The following PCED1B variants were observed in gnomAD, a reference collection of about 807,000 sequenced individuals.
The protein encoded by PCED1B is PC-esterase domain containing 1B.
For missense variants in PCED1B, 573 were observed against 573.9 expected, an observed-to-expected ratio of 1.00 and a Z score of 0.02; for synonymous variants, 251 against 246.1, an observed-to-expected ratio of 1.02 and a Z score of -0.19.
At chr12:47,142,905 A>G (rs760373773) in intron 2 of PCED1B, among the ~76,000 whole-genome samples, 5 of 152,182 alleles carry the variant, frequency 3.3e-5, no homozygotes, top group East Asian at 1.9e-4. Context: ...TAATTTTAAG[A>G]AATTCATACA....
rs113465137 is a variant in PCED1B, at chr12:47,180,120, G to A, written c.-525-36102G>A. On this transcript the variant is annotated intron_variant, in intron 2 of 3. Transcript: ENST00000546455. ...CTCACACCCCCCAACAGGCCCCAGT[G>A]TGTGGTGTTCCTCACTATGTGTCTA... 9.8e-3 allele frequency among the ~76,000 whole-genome samples: 1,493 copies of A among 152,218 alleles called. 26 individuals are homozygous for A. The highest frequency in any genetic ancestry group is 0.035 in the African/African-American group (1,454 of 41,526).
intron 2 of PCED1B, among the ~76,000 whole-genome samples, chr12:47,158,440 C>T (rs928231628): frequency 3.3e-5 from 5 of 152,112 alleles, no homozygotes; most frequent in Admixed American, 1.3e-4. Flanking sequence ...CCTTACTGGC[C>T]ATTTGCATAT....
At chr12:47,192,159 C>T (rs751241500) in intron 2 of PCED1B, among the ~76,000 whole-genome samples, 17 of 146,684 alleles carry the variant, frequency 1.2e-4, no homozygotes, top group East Asian at 7.9e-4. Context: ...ATGGAGGCTA[C>T]GCTTTTTTTT....
intron 1 of PCED1B, among the ~76,000 whole-genome samples, chr12:47,101,761 A>G (rs1938716650): frequency 6.6e-6 from 1 of 152,148 alleles, no homozygotes; most frequent in African/African-American, 2.4e-5. Flanking sequence ...AGCCTGATTA[A>G]CAGGGAGAAA....
rs781275096 is a variant in PCED1B, at chr12:47,236,092, C to T, written c.1029C>T (p.Ser343=). The change falls in exon 4 of 4, where the codon TCC becomes TCT. Residue 343 remains serine, a synonymous_variant. Coordinates refer to ENST00000546455, the MANE Select transcript of PCED1B (RefSeq NM_138371.3). The part of the protein sequence containing the change: ...FPQGPPDACF[S]SDHTFQSDQF... Reference sequence around the variant, plus strand: ...AGGGTCCCCCAGATGCCTGTTTTTCCTCAGACCATACTTTCCAGTCGGATC... The same window carrying T: ...AGGGTCCCCCAGATGCCTGTTTTTCTTCAGACCATACTTTCCAGTCGGATC... The T allele has an allele frequency of 6.2e-7, 1 of 1,614,126 alleles. No individual in the cohort carries two copies. The highest frequency in any genetic ancestry group is 8.5e-7 in the Non-Finnish European group (1 of 1,180,016).
chr12:47,135,916 AC>A (rs1273156601), intron 2 of PCED1B: 1 of 215,224 alleles, frequency 4.6e-6, no homozygotes, highest in Non-Finnish European at 9.7e-6. Context: ...TCCAGGGAGA[AC>A]CAGCTGTGGT....
At chr12:47,193,728 C>T (rs1267175803) in intron 2 of PCED1B, among the ~76,000 whole-genome samples, 3 of 152,218 alleles carry the variant, frequency 2.0e-5, no homozygotes, top group African/African-American at 7.2e-5. Flanking sequence ...GGATCAGCAA[C>T]ATTGCTCCAG....
chr12:47,219,722 A>G (rs1943413800), intron 3 of PCED1B, among the ~76,000 whole-genome samples: 1 of 152,200 alleles, frequency 6.6e-6, no homozygotes, highest in African/African-American at 2.4e-5. Flanking sequence ...CTGTGCACAA[A>G]ATATTGTTTT....
chr12:47,110,516 T>C (rs1484985949), intron 2 of PCED1B, among the ~76,000 whole-genome samples: 1 of 152,198 alleles, frequency 6.6e-6, no homozygotes, highest in Non-Finnish European at 1.5e-5. Flanking sequence ...TAATAAAATA[T>C]GATCTTTTTA....
intron 1 of PCED1B, among the ~76,000 whole-genome samples, chr12:47,088,229 T>C (rs1012746456): frequency 6.6e-6 from 1 of 152,212 alleles, no homozygotes; most frequent in African/African-American, 2.4e-5. Context: ...TTAACAAATG[T>C]TTGCTGAACC....
chr12:47,144,668 A>G (rs964117919), intron 2 of PCED1B, among the ~76,000 whole-genome samples: 1 of 152,180 alleles, frequency 6.6e-6, no homozygotes, highest in Non-Finnish European at 1.5e-5. Context: ...GACCCAAGGG[A>G]ACACAATGGT....
chr12:47,232,705 C>G (rs1943844783), intron 3 of PCED1B, among the ~76,000 whole-genome samples: 1 of 151,980 alleles, frequency 6.6e-6, no homozygotes, highest in South Asian at 2.1e-4. Context: ...TTGAAATAAT[C>G]TGAAGTTTTG....
intron 2 of PCED1B, among the ~76,000 whole-genome samples, chr12:47,160,719 G>C (rs1312314080): frequency 6.6e-6 from 1 of 150,806 alleles, no homozygotes; most frequent in Non-Finnish European, 1.5e-5. Context: ...TTTACATTTA[G>C]TTATTTGCTA....
At chr12:47,162,314 G>T (rs1941412050) in intron 2 of PCED1B, among the ~76,000 whole-genome samples, 1 of 151,950 alleles carries the variant, frequency 6.6e-6, no homozygotes, top group Non-Finnish European at 1.5e-5. Context: ...AAGGAAATGA[G>T]GTGTATTTTG....
At chr12:47,130,315 T>C (rs1940073395) in intron 2 of PCED1B, among the ~76,000 whole-genome samples, 1 of 152,204 alleles carries the variant, frequency 6.6e-6, no homozygotes, top group Non-Finnish European at 1.5e-5. Flanking sequence ...CACAACATTA[T>C]ATTCTTAATC....
intron 2 of PCED1B, chr12:47,210,624 G>A (rs1471148457): frequency 6.6e-6 from 1 of 152,192 alleles, no homozygotes; most frequent in Non-Finnish European, 1.5e-5. Context: ...AATTGGCTGG[G>A]CATGGTGGTG....
At chr12:47,229,237 A>G (rs1943724819) in intron 3 of PCED1B, among the ~76,000 whole-genome samples, 1 of 151,818 alleles carries the variant, frequency 6.6e-6, no homozygotes, top group African/African-American at 2.4e-5. Flanking sequence ...ACATGGTGAA[A>G]CCCCATCTCT....
At chr12:47,084,201 A>T (rs1449030543) in intron 1 of PCED1B, among the ~76,000 whole-genome samples, 2 of 152,230 alleles carry the variant, frequency 1.3e-5, no homozygotes, top group Non-Finnish European at 2.9e-5. Flanking sequence ...ACTAGCCTAC[A>T]GTTGAGCAAA....
chr12:47,102,691 G>C (rs769732905), intron 1 of PCED1B, among the ~76,000 whole-genome samples: 14 of 151,434 alleles, frequency 9.2e-5, no homozygotes, highest in Non-Finnish European at 2.1e-4. Flanking sequence ...TTACTTAATT[G>C]CTGAGTCTTG....
Sources: gnomAD v4.1 joint callset for allele counts (sites outside exome capture counted in the v4.1 genomes callset) on GRCh38, gnomAD v4.1.1 for gene constraint, MANE v1.5 for transcripts, NCBI Gene and HGNC (gene_info 2026-07-23, HGNC 2026-07-21) for gene names.